The following PHACTR3 variants were observed in gnomAD, a reference collection of about 807,000 sequenced individuals.
The protein encoded by PHACTR3 is protein phosphatase 1, regulatory subunit 123.
A neutral mutation model predicts 66.8 loss-of-function variants in PHACTR3; 16 were observed. The observed-to-expected ratio is 0.24, with a 90% CI of 0.16 to 0.36. The LOEUF is 0.36. PHACTR3 is among the 10% of genes least tolerant of loss of function. The pLI, the probability that PHACTR3 is intolerant of heterozygous loss-of-function variation, is 1.00. For missense variants in PHACTR3, 647 were observed against 719.9 expected, an observed-to-expected ratio of 0.90 and a Z score of 1.16; for synonymous variants, 323 against 292.1, an observed-to-expected ratio of 1.11 and a Z score of -1.08.
intron 1 of PHACTR3, among the ~76,000 whole-genome samples, chr20:59,648,837 C>T (rs971716469): frequency 2.0e-5 from 3 of 152,184 alleles, no homozygotes; most frequent in Admixed American, 2.0e-4. Flanking sequence ...GAAACCACCT[C>T]GGAGTAGCCA....
rs577322918 is a variant in PHACTR3, at chr20:59,623,755, G to A, written c.118+18623G>A. On this transcript the variant is annotated intron_variant, in intron 1 of 12. Coordinates refer to ENST00000371015, the MANE Select transcript of PHACTR3 (RefSeq NM_080672.5). The stretch of plus-strand genomic sequence containing the variant: ...GTGGCCATGTGGTGGGAGGGGCACC[G>A]TGTGAGCATGGGCTGAACGGCTGGT... 3.3e-5 allele frequency among the ~76,000 whole-genome samples: 5 copies of A among 152,364 alleles called. No homozygotes were observed. The East Asian group carries it at 7.7e-4, about 24-fold the overall frequency.
intron 1 of PHACTR3, among the ~76,000 whole-genome samples, chr20:59,705,631 A>G (rs1237203354): frequency 6.6e-6 from 1 of 151,818 alleles, no homozygotes; most frequent in African/African-American, 2.4e-5. Context: ...TCAAAGGGTG[A>G]ACAATGAAAG....
At chr20:59,735,293 G>A (rs1243408655) in intron 1 of PHACTR3, among the ~76,000 whole-genome samples, 4 of 152,126 alleles carry the variant, frequency 2.6e-5, no homozygotes, top group Non-Finnish European at 5.9e-5. Flanking sequence ...TCAAAACTCA[G>A]AGCAGTCCTG....
At chr20:59,667,505 A>T (rs2036033737) in intron 1 of PHACTR3, among the ~76,000 whole-genome samples, 1 of 152,234 alleles carries the variant, frequency 6.6e-6, no homozygotes, top group African/African-American at 2.4e-5. Context: ...AGGCCTTGTG[A>T]TAGATGCCCC....
intron 5 of PHACTR3, among the ~76,000 whole-genome samples, chr20:59,770,751 G>T (rs748362192): frequency 6.6e-6 from 1 of 152,216 alleles, no homozygotes; most frequent in Non-Finnish European, 1.5e-5. Flanking sequence ...CCCCCATGGA[G>T]AAATTGCAGG....
intron 1 of PHACTR3, chr20:59,676,839 C>A: frequency 2.9e-6 from 2 of 682,900 alleles, no homozygotes; most frequent in Non-Finnish European, 3.6e-6. Context: ...TTCTTAAAGG[C>A]AAAGGGTTTG....
Position 59,767,039 on chromosome 20 carries a change from C to T in PHACTR3, c.542-147C>T, listed in dbSNP as rs1422449402. 1.2e-5 allele frequency: 8 copies of T among 695,274 alleles called. No homozygotes were observed. The African/African-American group carries it at 1.4e-4, about 12-fold the overall frequency. 43.1% of individuals were successfully genotyped at this position (695,274 alleles called of 1,614,324 possible). Reference sequence around the variant, plus strand: ...TCCGATGGTTCTATTGAGAGTTGAACTTGCAGGAAGTCAAGTGCCTGTGTG... The same window carrying T: ...TCCGATGGTTCTATTGAGAGTTGAATTTGCAGGAAGTCAAGTGCCTGTGTG... On this transcript the variant is annotated intron_variant, in intron 4 of 12. Transcript: ENST00000371015.
chr20:59,648,166 T>TGACC (rs2035346848), intron 1 of PHACTR3, among the ~76,000 whole-genome samples: 1 of 152,228 alleles, frequency 6.6e-6, no homozygotes, highest in South Asian at 2.1e-4. Flanking sequence ...TCAGGCCCAT[T>TGACC]GACCACAGGG....
chr20:59,834,950 T>C (rs866287214), intron 8 of PHACTR3, among the ~76,000 whole-genome samples: 12 of 152,254 alleles, frequency 7.9e-5, no homozygotes, highest in Middle Eastern at 6.8e-3. Context: ...AAAACCCTCA[T>C]AATTTGTGTT....
intron 7 of PHACTR3, among the ~76,000 whole-genome samples, chr20:59,792,627 G>T (rs2146960388): frequency 6.6e-6 from 1 of 152,292 alleles, no homozygotes; most frequent in South Asian, 2.1e-4. Context: ...GTGTTGTGGT[G>T]TCTTATTATG....
At chr20:59,721,918 T>C (rs976855839) in intron 1 of PHACTR3, among the ~76,000 whole-genome samples, 8 of 151,830 alleles carry the variant, frequency 5.3e-5, no homozygotes, top group Non-Finnish European at 1.2e-4. Context: ...CGTCAAAGAG[T>C]GACAAGTGGC....
chr20:59,772,734 G>A (rs1281404645), intron 5 of PHACTR3, among the ~76,000 whole-genome samples: 1 of 152,194 alleles, frequency 6.6e-6, no homozygotes, highest in Non-Finnish European at 1.5e-5. Flanking sequence ...TAAGGAAGAT[G>A]GGAGAGTGAT....
intron 5 of PHACTR3, among the ~76,000 whole-genome samples, chr20:59,770,046 T>C (rs1289898926): frequency 6.6e-6 from 1 of 150,802 alleles, no homozygotes; most frequent in East Asian, 1.9e-4. Flanking sequence ...AATAACTTGG[T>C]AACCCAGAGA....
chr20:59,699,681 T>C (rs1187530874), intron 1 of PHACTR3, among the ~76,000 whole-genome samples: 2 of 152,144 alleles, frequency 1.3e-5, no homozygotes, highest in Non-Finnish European at 2.9e-5. Context: ...GAAAAGTCTG[T>C]GGCCGGGCGC....
intron 2 of PHACTR3, among the ~76,000 whole-genome samples, chr20:59,744,761 G>A (rs766558369): frequency 6.6e-6 from 1 of 152,244 alleles, no homozygotes; most frequent in Non-Finnish European, 1.5e-5. Context: ...GGCAGATCTT[G>A]AGCACCTCCT....
At chr20:59,717,506 G>A (rs1221136559) in intron 1 of PHACTR3, among the ~76,000 whole-genome samples, 1 of 152,184 alleles carries the variant, frequency 6.6e-6, no homozygotes, top group Admixed American at 6.5e-5. Context: ...CAACAGCCCT[G>A]TAAGGGGGAT....
At chr20:59,651,303 C>T (rs2035451794) in intron 1 of PHACTR3, among the ~76,000 whole-genome samples, 1 of 152,160 alleles carries the variant, frequency 6.6e-6, no homozygotes. Flanking sequence ...ATGTCAGAAA[C>T]TAGAATAAAT....
At chr20:59,795,925 ACT>A (rs1299985009) in intron 7 of PHACTR3, among the ~76,000 whole-genome samples, 3 of 151,744 alleles carry the variant, frequency 2.0e-5, no homozygotes, top group Non-Finnish European at 4.4e-5. Context: ...CTATTTAGCC[ACT>A]CTCTATTTTA....
At chr20:59,833,612 G>A (rs1449442080) in intron 8 of PHACTR3, among the ~76,000 whole-genome samples, 2 of 152,212 alleles carry the variant, frequency 1.3e-5, no homozygotes, top group Admixed American at 6.5e-5. Context: ...GGACATTTGG[G>A]GTACTTCTCA....
Sources: gnomAD v4.1 joint callset for allele counts (sites outside exome capture counted in the v4.1 genomes callset) on GRCh38, gnomAD v4.1.1 for gene constraint, MANE v1.5 for transcripts, NCBI Gene and HGNC (gene_info 2026-07-23, HGNC 2026-07-21) for gene names.